The following GRM8 variants were observed in gnomAD, a reference collection of about 807,000 sequenced individuals.
The protein encoded by GRM8 is metabotropic glutamate receptor 8.
Under a neutral mutation model 87.2 loss-of-function variants are expected in GRM8, and 47 were observed. The ratio of observed to expected loss-of-function variants is 0.54; its 90% CI spans 0.43 to 0.69. GRM8 has a LOEUF of 0.69. Ranked by LOEUF, GRM8 falls within the 30% of genes least tolerant of loss-of-function variation. The pLI is 0.00. For missense variants in GRM8, 1,019 were observed against 1,139.2 expected (o/e 0.89, Z 1.52); for synonymous variants, 396 against 404.5 (o/e 0.98, Z 0.25).
intron 3 of GRM8, among the ~76,000 whole-genome samples, chr7:126,974,355 A>C (rs772396986): frequency 6.6e-6 from 1 of 152,176 alleles, no homozygotes; most frequent in African/African-American, 2.4e-5. Context: ...TTTTGTCATC[A>C]AAAAAGTAAC....
chr7:126,558,715 C>CT (rs1193215499), intron 8 of GRM8, among the ~76,000 whole-genome samples: 1 of 151,874 alleles, frequency 6.6e-6, no homozygotes, highest in Admixed American at 6.6e-5. Flanking sequence ...ACAACCATTC[C>CT]TTTTTTTTCT....
intron 3 of GRM8, among the ~76,000 whole-genome samples, chr7:126,907,064 G>C (rs1479603597): frequency 6.6e-6 from 1 of 151,840 alleles, no homozygotes; most frequent in African/African-American, 2.4e-5. Context: ...AGAAGAAGAA[G>C]AGAAAAAGAA....
intron 9 of GRM8, among the ~76,000 whole-genome samples, chr7:126,504,495 T>C (rs1337696516): frequency 6.6e-6 from 1 of 152,018 alleles, no homozygotes; most frequent in African/African-American, 2.4e-5. Flanking sequence ...ACTTTTAATT[T>C]TTTATGTATC....
chr7:126,979,487 G>A (rs1328556653), intron 3 of GRM8, among the ~76,000 whole-genome samples: 1 of 152,056 alleles, frequency 6.6e-6, no homozygotes, highest in Non-Finnish European at 1.5e-5. Flanking sequence ...GAATTCCTGG[G>A]TGTCTTGAGT....
intron 6 of GRM8, among the ~76,000 whole-genome samples, chr7:126,773,633 CAAT>C (rs1328857659): frequency 6.6e-6 from 1 of 152,124 alleles, no homozygotes; most frequent in African/African-American, 2.4e-5. Flanking sequence ...CCTCAGCATT[CAAT>C]AATTTCCTGA....
At chr7:126,627,934 A>C (rs1455699995) in intron 7 of GRM8, among the ~76,000 whole-genome samples, 1 of 152,246 alleles carries the variant, frequency 6.6e-6, no homozygotes, top group Non-Finnish European at 1.5e-5. Flanking sequence ...TTACATTCAT[A>C]CTTATGAGTG....
At chr7:127,233,528 A>T (rs1054373894) in intron 2 of GRM8, among the ~76,000 whole-genome samples, 5 of 152,346 alleles carry the variant, frequency 3.3e-5, no homozygotes, top group Non-Finnish European at 5.9e-5. Flanking sequence ...CACTAGTCAA[A>T]GCTAGAGGTC....
chr7:126,986,583 T>C (rs894567018), intron 3 of GRM8, among the ~76,000 whole-genome samples: 1 of 152,238 alleles, frequency 6.6e-6, no homozygotes, highest in Non-Finnish European at 1.5e-5. Flanking sequence ...TACTCAGACC[T>C]CTTGAAAAAT....
chr7:126,822,402 GA>G (rs994177798), intron 6 of GRM8, among the ~76,000 whole-genome samples: 11 of 152,108 alleles, frequency 7.2e-5, no homozygotes, highest in Admixed American at 3.9e-4. Context: ...ATTTACCACT[GA>G]TTTTTTATTT....
chr7:126,626,101 A>AGTGTGTGTGTGT (rs71312854), intron 7 of GRM8, among the ~76,000 whole-genome samples: 14,852 of 148,648 alleles, frequency 0.1, 763 homozygotes, highest in South Asian at 0.13. Context: ...ATATGAGAGA[A>AGTGTGTGTGTGT]GTGTGTGTGT....
intron 6 of GRM8, among the ~76,000 whole-genome samples, chr7:126,828,138 A>T (rs1286847394): frequency 6.6e-6 from 1 of 152,074 alleles, no homozygotes; most frequent in Non-Finnish European, 1.5e-5. Context: ...GGATTTTTGC[A>T]TCAATGTTCA....
intron 6 of GRM8, among the ~76,000 whole-genome samples, chr7:126,772,970 A>G (rs1349367188): frequency 6.6e-6 from 1 of 152,196 alleles, no homozygotes; most frequent in East Asian, 1.9e-4. Flanking sequence ...CATCAATGCA[A>G]TGATGGCCCA....
chr7:126,514,146 A>G (rs1811829658), intron 9 of GRM8, among the ~76,000 whole-genome samples: 1 of 152,176 alleles, frequency 6.6e-6, no homozygotes, highest in South Asian at 2.1e-4. Flanking sequence ...GGAGATGAGC[A>G]TTTAGTGACT....
chr7:126,579,638 T>C (rs1026245837), intron 8 of GRM8, among the ~76,000 whole-genome samples: 3 of 152,146 alleles, frequency 2.0e-5, no homozygotes, highest in Non-Finnish European at 2.9e-5. Flanking sequence ...AAGTAGTTGG[T>C]ATTCTAGGAA....
intron 3 of GRM8, among the ~76,000 whole-genome samples, chr7:126,984,655 C>T (rs186677535): frequency 2.4e-4 from 37 of 152,242 alleles, no homozygotes; most frequent in Admixed American, 1.1e-3. Flanking sequence ...TTAATAAACT[C>T]CCCTTTATAT....
chr7:126,510,434 A>G (rs924515256), intron 9 of GRM8, among the ~76,000 whole-genome samples: 23 of 152,060 alleles, frequency 1.5e-4, no homozygotes, highest in Non-Finnish European at 3.2e-4. Flanking sequence ...TGCTAGTCCA[A>G]TATCTCTTGG....
chr7:126,476,672 T>C (rs150421527), intron 9 of GRM8, among the ~76,000 whole-genome samples: 178 of 151,916 alleles, frequency 1.2e-3, no homozygotes, highest in Admixed American at 2.3e-3. Flanking sequence ...ACCAAGGAAA[T>C]GCAAATCAAA....
chr7:127,081,821 G>A (rs934995659), intron 3 of GRM8, among the ~76,000 whole-genome samples: 4 of 152,212 alleles, frequency 2.6e-5, no homozygotes, highest in Non-Finnish European at 5.9e-5. Flanking sequence ...CGGGTGGGAG[G>A]AGGTAAAGGT....
At chr7:127,048,767 T>G (rs1819183710) in intron 3 of GRM8, among the ~76,000 whole-genome samples, 1 of 152,260 alleles carries the variant, frequency 6.6e-6, no homozygotes, top group Admixed American at 6.5e-5. Context: ...CTTCATAAAC[T>G]ATTTAATGTA....
Sources: allele counts gnomAD v4.1 joint callset (sites outside exome capture counted in the v4.1 genomes callset), GRCh38; gene constraint gnomAD v4.1.1; transcripts MANE v1.5; gene names NCBI Gene and HGNC (gene_info 2026-07-23, HGNC 2026-07-21).